The following BLTP2 variants were observed in gnomAD, a reference collection of about 807,000 sequenced individuals.
The protein encoded by BLTP2 is U937-associated antigen.
chr17:28,645,052 G>A, the BLTP2 span: 8 of 1,599,586 alleles, frequency 5.0e-6, no homozygotes, highest in Admixed American at 1.7e-5. Flanking sequence ...GAAGAACAGA[G>A]GCATTTAGGT....
chr17:28,642,011 C>T, the BLTP2 span: 14 of 1,613,990 alleles, frequency 8.7e-6, 1 homozygote, highest in South Asian at 1.2e-4. Flanking sequence ...AGTGAGATGC[C>T]GACTGCTAAT....
At chr17:28,637,191 C>T in the BLTP2 span, 1 of 1,608,560 alleles carries the variant, frequency 6.2e-7, no homozygotes. Context: ...GAAACCATGT[C>T]AGCCTTGGTT....
chr17:28,626,472 C>T, the BLTP2 span, among the ~76,000 whole-genome samples: 1 of 152,178 alleles, frequency 6.6e-6, no homozygotes, highest in African/African-American at 2.4e-5. Flanking sequence ...GCTGAGTTGA[C>T]TAGTTGCTGG....
At chr17:28,616,848 A>G in the BLTP2 span, 1 of 1,604,236 alleles carries the variant, frequency 6.2e-7, no homozygotes, top group South Asian at 1.1e-5. The surrounding 1 kb of genome is among the most constrained non-coding windows in gnomAD (Gnocchi z 4.8). Flanking sequence ...TGGCTTTTGA[A>G]TGTCCCTTGT....
the BLTP2 span, chr17:28,643,185 G>A: frequency 1.2e-6 from 2 of 1,614,182 alleles, no homozygotes; most frequent in Non-Finnish European, 8.5e-7. Context: ...TCTTCAATAA[G>A]GATGGGCTGA....
the BLTP2 span, chr17:28,638,360 G>A: frequency 1.9e-6 from 3 of 1,614,164 alleles, no homozygotes; most frequent in African/African-American, 4.0e-5. Flanking sequence ...AGCAGAGGTG[G>A]TCCACAGTTA....
the BLTP2 span, chr17:28,617,267 T>C: frequency 6.2e-7 from 1 of 1,614,182 alleles, no homozygotes; most frequent in Non-Finnish European, 8.5e-7. Context: ...TTGTTCATGG[T>C]AAACCAGCCC....
the BLTP2 span, chr17:28,621,296 T>C: frequency 1.4e-6 from 2 of 1,397,292 alleles, no homozygotes; most frequent in Non-Finnish European, 2.0e-6. Context: ...AAAATGGTCC[T>C]ACTCCAGCAT....
the BLTP2 span, chr17:28,642,584 G>A: frequency 1.8e-6 from 1 of 564,006 alleles, no homozygotes; most frequent in Non-Finnish European, 3.2e-6. Flanking sequence ...CCAGGAGGCG[G>A]AGCTTGCAGT....
At chr17:28,645,071 G>A in the BLTP2 span, 29 of 1,573,736 alleles carry the variant, frequency 1.8e-5, no homozygotes, top group South Asian at 2.6e-4. Context: ...GTCCGGGTCC[G>A]GCCCGGCTTG....
At chr17:28,627,469 C>T in the BLTP2 span, among the ~76,000 whole-genome samples, 3 of 151,250 alleles carry the variant, frequency 2.0e-5, no homozygotes, top group African/African-American at 7.3e-5. Context: ...TGCAGTGGTG[C>T]GATCTAGGCT....
At chr17:28,624,143 A>G in the BLTP2 span, 1 of 1,479,390 alleles carries the variant, frequency 6.8e-7, no homozygotes, top group Non-Finnish European at 9.3e-7. Context: ...TTGGAGCTCT[A>G]TTCACCCATT....
chr17:28,621,618 T>C, the BLTP2 span: 3 of 703,068 alleles, frequency 4.3e-6, no homozygotes, highest in Admixed American at 2.0e-5. Flanking sequence ...CTCCACTGCA[T>C]GGAATAGCTT....
the BLTP2 span, chr17:28,633,657 T>G: frequency 6.2e-7 from 1 of 1,614,110 alleles, no homozygotes; most frequent in Non-Finnish European, 8.5e-7. Context: ...TGGGGTCAGC[T>G]GAGGGCTTGG....
chr17:28,631,669 A>T, the BLTP2 span: 2 of 1,614,058 alleles, frequency 1.2e-6, no homozygotes, highest in Non-Finnish European at 1.7e-6. Flanking sequence ...AAGGCGCCGC[A>T]TCACTGTGCC....
the BLTP2 span, chr17:28,634,483 C>T: frequency 6.4e-7 from 1 of 1,566,840 alleles, no homozygotes; most frequent in Non-Finnish European, 8.7e-7. Context: ...AGCGGGCAAA[C>T]ACGGGGTCTG....
chr17:28,631,969 A>AT, the BLTP2 span: 1 of 1,608,478 alleles, frequency 6.2e-7, no homozygotes, highest in African/African-American at 1.3e-5. Flanking sequence ...GAGAGGGATG[A>AT]TTAAGGGACT....
chr17:28,633,229 C>G, the BLTP2 span: 2 of 1,597,598 alleles, frequency 1.3e-6, no homozygotes, highest in Admixed American at 3.3e-5. Context: ...TCTTCCCCCT[C>G]CCTCCAACCT....
the BLTP2 span, chr17:28,616,547 C>G: frequency 6.2e-7 from 1 of 1,614,090 alleles, no homozygotes; most frequent in Non-Finnish European, 8.5e-7. This position sits in a 1 kb window ranked among gnomAD's most constrained non-coding sequence, Gnocchi z 4.8. Flanking sequence ...CATCCATCCT[C>G]GTTCTGAAGT....
Sources: allele counts gnomAD v4.1 joint callset (sites outside exome capture counted in the v4.1 genomes callset), GRCh38; gene constraint gnomAD v4.1.1; non-coding constraint Gnocchi (gnomAD v3.1); transcripts MANE v1.5; gene names NCBI Gene and HGNC (gene_info 2026-07-23, HGNC 2026-07-21).